DMRT1: variants seen among roughly 807,000 people sequenced by gnomAD.
DMRT1 encodes doublesex- and mab-3-related transcription factor 1.
Under a neutral mutation model 32.3 loss-of-function variants are expected in DMRT1, and 7 were observed. The observed-to-expected ratio is 0.22, with a 90% confidence interval of 0.12 to 0.41. DMRT1 has a LOEUF of 0.41. Ranked by LOEUF, DMRT1 falls within the 10% of genes least tolerant of loss-of-function variation. The probability of loss-of-function intolerance (pLI) is 1.00; values close to 1 mark genes in which losing one functional copy is unlikely to be tolerated. For missense variants in DMRT1, 625 were observed against 500.5 expected (o/e 1.25, Z -2.37); for synonymous variants, 278 against 206.1 (o/e 1.35, Z -2.99).
chr9:918,332 C>T lies in DMRT1; in HGVS notation c.967+1425C>T, dbSNP rs116382324. Among the ~76,000 whole-genome samples, 872 of 152,254 alleles carry T rather than the reference C, an allele frequency of 5.7e-3. 12 individuals are homozygous for T. The highest frequency in any genetic ancestry group is 0.02 in the African/African-American group (815 of 41,536). On this transcript the variant is annotated intron_variant, in intron 4 of 4. Coordinates refer to ENST00000382276, the MANE Select transcript of DMRT1 (RefSeq NM_021951.3). ...AAGAAATTGCCTGAGCTTCTTACACCAGGAATAATGGAATATTTTTTGAAG... is the reference window on the plus strand; with the variant it reads ...AAGAAATTGCCTGAGCTTCTTACACTAGGAATAATGGAATATTTTTTGAAG...
intron 3 of DMRT1, 27 bp from the exon 4 acceptor site, chr9:916,736 G>A (rs2129775583): frequency 6.2e-7 from 1 of 1,613,372 alleles, no homozygotes; most frequent in Non-Finnish European, 8.5e-7. Flanking sequence ...GTTGATCTCA[G>A]TATATTTCTT....
intron 2 of DMRT1, among the ~76,000 whole-genome samples, chr9:861,005 G>C (rs940888646): frequency 1.3e-5 from 2 of 151,556 alleles, no homozygotes; most frequent in African/African-American, 2.4e-5. Context: ...GCAGTGGACA[G>C]CCATTAACTA....
rs768855270 is a variant in DMRT1, at chr9:841,906, C to T, written c.68C>T (p.Pro23Leu). ...PSEAPHAPGV[P>L]PQGRAGGFGK... ...GAAGCCCCTCACGCCCCCGGGGTAC[C>T]GCCGCAGGGCAGAGCCGGGGGCTTT... is the stretch of plus-strand genomic sequence containing the variant. Residue 23 changes from proline to leucine, a missense_variant, in exon 1 of 5, where the codon CCG becomes CTG. By Grantham distance (98) the Pro-to-Leu change is moderately conservative. This residue lies in a region of DMRT1 where 201 missense variants were observed against 152.0 expected (regional missense o/e 1.32). Transcript: ENST00000382276. The T allele has an allele frequency of 8.7e-6, 14 of 1,610,452 alleles. No homozygotes were observed. The highest frequency in any genetic ancestry group is 1.1e-5 in the Non-Finnish European group (13 of 1,178,418).
intron 3 of DMRT1, among the ~76,000 whole-genome samples, chr9:910,893 G>C (rs1489594865): frequency 6.6e-6 from 1 of 152,036 alleles, no homozygotes; most frequent in African/African-American, 2.4e-5. Context: ...TTATTTATTT[G>C]CTTAGCTTGA....
chr9:844,264 A>G (rs1283367863), intron 1 of DMRT1, among the ~76,000 whole-genome samples: 2 of 152,228 alleles, frequency 1.3e-5, no homozygotes, highest in African/African-American at 4.8e-5. Context: ...TTAAAAATCC[A>G]TAAAACAACT....
chr9:885,066 C>T (rs987692100), intron 2 of DMRT1, among the ~76,000 whole-genome samples: 6 of 152,210 alleles, frequency 3.9e-5, no homozygotes, highest in Admixed American at 1.3e-4. Context: ...CGTTTTAGAG[C>T]GTGTGAAGGA....
At chr9:924,903 T>C (rs1373037852) in intron 4 of DMRT1, among the ~76,000 whole-genome samples, 1 of 152,164 alleles carries the variant, frequency 6.6e-6, no homozygotes, top group Non-Finnish European at 1.5e-5. Context: ...AACTTCTTTC[T>C]CTTTCTACAT....
chr9:851,073 G>A (rs73382571), intron 2 of DMRT1, among the ~76,000 whole-genome samples: 2,544 of 150,240 alleles, frequency 0.017, 82 homozygotes, highest in African/African-American at 0.058. Context: ...GGAAGGCTAC[G>A]ATTTGAAGTT....
intron 4 of DMRT1, among the ~76,000 whole-genome samples, chr9:943,541 A>G (rs1234738109): frequency 6.6e-6 from 1 of 152,260 alleles, no homozygotes; most frequent in East Asian, 1.9e-4. Flanking sequence ...TTTCTGTGCA[A>G]GTAATACACA....
At chr9:932,770 A>G (rs936916401) in intron 4 of DMRT1, among the ~76,000 whole-genome samples, 4 of 152,148 alleles carry the variant, frequency 2.6e-5, no homozygotes, top group Admixed American at 2.6e-4. Context: ...TTGGTCCAGT[A>G]AATCTCTATA....
At chr9:856,519 C>G (rs1471334834) in intron 2 of DMRT1, among the ~76,000 whole-genome samples, 1 of 152,184 alleles carries the variant, frequency 6.6e-6, no homozygotes, top group Non-Finnish European at 1.5e-5. Context: ...ACTTCTCTTA[C>G]TTAGCCTGAT....
At chr9:940,571 A>G (rs1000388435) in intron 4 of DMRT1, among the ~76,000 whole-genome samples, 1 of 152,220 alleles carries the variant, frequency 6.6e-6, no homozygotes, top group Non-Finnish European at 1.5e-5. Context: ...AAAGACCTAA[A>G]TGCAGGACCT....
intron 4 of DMRT1, among the ~76,000 whole-genome samples, chr9:934,392 G>C (rs943599725): frequency 7.2e-5 from 11 of 152,212 alleles, no homozygotes; most frequent in Non-Finnish European, 1.5e-4. Context: ...AGAGCTGGAT[G>C]TGATGGCATG....
chr9:921,772 T>C (rs1818362358), intron 4 of DMRT1, among the ~76,000 whole-genome samples: 1 of 152,212 alleles, frequency 6.6e-6, no homozygotes, highest in Non-Finnish European at 1.5e-5. Context: ...TTCTGACTAC[T>C]TGGGAGGGTG....
intron 2 of DMRT1, among the ~76,000 whole-genome samples, chr9:876,342 C>G (rs1301862247): frequency 2.0e-5 from 3 of 152,164 alleles, no homozygotes; most frequent in Non-Finnish European, 4.4e-5. Flanking sequence ...CAAATCATGA[C>G]TCTCAGCCAC....
At chr9:963,534 C>T (rs1162361530) in intron 4 of DMRT1, among the ~76,000 whole-genome samples, 1 of 152,150 alleles carries the variant, frequency 6.6e-6, no homozygotes, top group Non-Finnish European at 1.5e-5. Flanking sequence ...AACTAGAGTG[C>T]AGGCATGAAC....
chr9:962,961 C>A (rs1217792110), intron 4 of DMRT1, among the ~76,000 whole-genome samples: 4 of 152,108 alleles, frequency 2.6e-5, no homozygotes, highest in African/African-American at 9.7e-5. Flanking sequence ...GGCTCTGTTC[C>A]TTTTGAGAGT....
At chr9:934,333 T>G (rs1042143261) in intron 4 of DMRT1, among the ~76,000 whole-genome samples, 1 of 152,196 alleles carries the variant, frequency 6.6e-6, no homozygotes, top group Non-Finnish European at 1.5e-5. Context: ...CCAGTTTGTT[T>G]TGTTTCTTCT....
chr9:916,218 A>T (rs1818175958), intron 3 of DMRT1, among the ~76,000 whole-genome samples: 1 of 152,198 alleles, frequency 6.6e-6, no homozygotes, highest in African/African-American at 2.4e-5. Flanking sequence ...GTACTGGTTA[A>T]TCGAGCACCA....
Sources: gnomAD v4.1 joint callset for allele counts (sites outside exome capture counted in the v4.1 genomes callset) on GRCh38, gnomAD v4.1.1 for gene constraint, gnomAD v4.1.1 regional missense constraint, MANE v1.5 for transcripts, NCBI Gene and HGNC (gene_info 2026-07-23, HGNC 2026-07-21) for gene names.